Variants in TEX11 observed in about 807,000 individuals in gnomAD.
The protein encoded by TEX11 is testis-expressed protein 11.
TEX11 carries 7 observed loss-of-function variants against 84.4 expected under a neutral mutation model. The observed-to-expected ratio is 0.08, with a 90% CI of 0.05 to 0.16. The LOEUF is 0.16. Ranked by LOEUF, TEX11 falls within the 10% of genes least tolerant of loss-of-function variation. The pLI, the probability that TEX11 is intolerant of heterozygous loss-of-function variation, is 1.00. For synonymous variants in TEX11, 264 were observed against 222.8 expected (o/e 1.18, Z -1.64); for missense variants, 551 against 660.5 (o/e 0.83, Z 1.82).
At chrX:70,731,784 T>A (rs1355702241) in intron 11 of TEX11, among the ~76,000 whole-genome samples, 1 of 109,601 alleles carries the variant, frequency 9.1e-6, no homozygotes, top group East Asian at 2.9e-4. Context: ...AAAGAGAGAA[T>A]CCTCCCTAAC....
chrX:70,908,160 G>A (rs73550390), intron 1 of TEX11, among the ~76,000 whole-genome samples: 1,297 of 111,403 alleles, frequency 0.012, 23 homozygotes, highest in African/African-American at 0.04. Flanking sequence ...CCTTTTTCCC[G>A]CTCTGTGAGA....
rs138938195 is a variant in TEX11, at chrX:70,581,861, A to G, written c.2140+9890T>C. 4.8e-3 allele frequency among the ~76,000 whole-genome samples: 542 copies of G among 111,842 alleles called. 5 individuals are homozygous for G. Among genetic ancestry groups the G allele is most frequent in the African/African-American group, 0.017 (510 of 30,828 alleles). The stretch of plus-strand genomic sequence containing the variant: ...AGTGGTTGAGATTATATTATGAGCA[A>G]TAGTGACAAATGGGTATATGCTTCT... On this transcript the variant is annotated intron_variant, in intron 25 of 29. Coordinates refer to ENST00000374333, the MANE Select transcript of TEX11 (RefSeq NM_031276.3).
At chrX:70,878,428 C>T (rs2091666967) in intron 3 of TEX11, among the ~76,000 whole-genome samples, 1 of 110,232 alleles carries the variant, frequency 9.1e-6, no homozygotes, top group South Asian at 3.9e-4. Flanking sequence ...GCCTCGGCGT[C>T]CCAAAGTGCT....
chrX:70,715,400 C>T (rs943207553), intron 13 of TEX11, among the ~76,000 whole-genome samples: 7 of 111,856 alleles, frequency 6.3e-5, no homozygotes, highest in African/African-American at 2.3e-4. Flanking sequence ...CAACTTGGTT[C>T]CATTCTCCCC....
chrX:70,598,195 A>C (rs1419054220), intron 24 of TEX11, among the ~76,000 whole-genome samples: 1 of 112,282 alleles, frequency 8.9e-6, no homozygotes, highest in Non-Finnish European at 1.9e-5. Context: ...TAAATAGATA[A>C]ATGCAAAAAG....
At chrX:70,845,499 C>T (rs1227397629) in intron 7 of TEX11, among the ~76,000 whole-genome samples, 1 of 111,050 alleles carries the variant, frequency 9.0e-6, no homozygotes, top group Non-Finnish European at 1.9e-5. Flanking sequence ...TGCTAAATAG[C>T]CAAGTTTATG....
intron 9 of TEX11, among the ~76,000 whole-genome samples, chrX:70,744,994 C>T (rs781719564): frequency 4.6e-5 from 5 of 108,725 alleles, no homozygotes; most frequent in South Asian, 8.1e-4. Context: ...GTGTTGGGCC[C>T]GACCCCGAAT....
chrX:70,551,591 T>C (rs970135151), intron 28 of TEX11, among the ~76,000 whole-genome samples: 1 of 111,809 alleles, frequency 8.9e-6, no homozygotes, highest in Non-Finnish European at 1.9e-5. Flanking sequence ...GTAGTGATAG[T>C]TGCACAACTC....
chrX:70,764,008 T>C (rs918268525), intron 9 of TEX11, among the ~76,000 whole-genome samples: 3 of 112,121 alleles, frequency 2.7e-5, no homozygotes, highest in African/African-American at 3.2e-5. Context: ...TTACAGAACA[T>C]TTCATCCAAC....
At position 70,840,884 on chromosome X, in the gene TEX11, G is replaced by C. The variant is rs753018397; in HGVS notation, c.526-7291C>G. On this transcript the variant is annotated intron_variant, in intron 7 of 29. Transcript: ENST00000374333. ...AACAAAGATCAAAAGAGACAAAGAA[G>C]GCCATTACATAATGGTAAAGGGATC... Among the ~76,000 whole-genome samples, 377 of 110,995 alleles carry C rather than the reference G, an allele frequency of 3.4e-3. 2 individuals carry two copies. Among genetic ancestry groups the C allele is most frequent in the Non-Finnish European group, 6.2e-3 (328 of 52,831 alleles).
Position 70,884,574 on chromosome X carries a change from T to C in TEX11, c.38-4465A>G, listed in dbSNP as rs1243566190. Among the ~76,000 whole-genome samples, 10 of 111,640 alleles carry C rather than the reference T, an allele frequency of 9.0e-5. No individual in the cohort carries two copies. The East Asian group carries it at 2.8e-3, about 31-fold the overall frequency. ...AAACAGGTTTAGTCATAGACTAAAA[T>C]TACATTGTAAATCGTAATTTCTATC... On this transcript the variant is annotated intron_variant, in intron 2 of 29. Coordinates refer to ENST00000374333, the MANE Select transcript of TEX11 (RefSeq NM_031276.3).
chrX:70,819,694 CA>C lies in TEX11; in HGVS notation c.607-12905del, dbSNP rs374495106. ...ATTTCGAGAATCCTAAAAACTCAAC[CA>C]AAAAAAAGTTAGAACTAATAAACAA... On this transcript the variant is annotated intron_variant, in intron 8 of 29. Coordinates refer to ENST00000374333, the MANE Select transcript of TEX11 (RefSeq NM_031276.3). Among the ~76,000 whole-genome samples the C allele has an allele frequency of 2.2e-3, 247 of 110,340 alleles. 1 individual carries two copies. The highest frequency in any genetic ancestry group is 7.9e-3 in the African/African-American group (240 of 30,458).
chrX:70,518,057 C>G, the TEX11 span, among the ~76,000 whole-genome samples: 2 of 108,680 alleles, frequency 1.8e-5, no homozygotes, highest in African/African-American at 6.7e-5. Context: ...TTTTGTTGAT[C>G]TTTAAAAAAA....
intron 9 of TEX11, among the ~76,000 whole-genome samples, chrX:70,806,437 CAG>C (rs752764504): frequency 1.1e-5 from 1 of 93,282 alleles, no homozygotes; most frequent in African/African-American, 4.1e-5. Context: ...GCCTAGGTGA[CAG>C]AGAGAGATAC....
At chrX:70,543,475 C>T (rs2088075005) in intron 28 of TEX11, among the ~76,000 whole-genome samples, 1 of 111,970 alleles carries the variant, frequency 8.9e-6, no homozygotes, top group Non-Finnish European at 1.9e-5. Flanking sequence ...AGTTATAGTA[C>T]AATCTAATTT....
downstream of TEX11, among the ~76,000 whole-genome samples, chrX:70,525,643 G>A (rs982750038): frequency 7.2e-5 from 8 of 110,769 alleles, no homozygotes; most frequent in African/African-American, 2.6e-4. Flanking sequence ...ATACAATGGT[G>A]AGGAAAACAC....
chrX:70,589,888 T>C (rs762460368), intron 25 of TEX11, among the ~76,000 whole-genome samples: 3 of 112,335 alleles, frequency 2.7e-5, no homozygotes, highest in Non-Finnish European at 5.6e-5. Context: ...AATTCTACTA[T>C]GAGTTATTTT....
intron 18 of TEX11, among the ~76,000 whole-genome samples, chrX:70,626,357 T>G (rs1441162936): frequency 9.1e-6 from 1 of 109,798 alleles, no homozygotes; most frequent in Non-Finnish European, 1.9e-5. Flanking sequence ...CCTAGGTGTC[T>G]CCCTCCCTCC....
chrX:70,718,838 G>A (rs1356881504), intron 13 of TEX11, among the ~76,000 whole-genome samples: 8 of 111,578 alleles, frequency 7.2e-5, no homozygotes, highest in African/African-American at 9.8e-5. Flanking sequence ...CTTAGCTGAG[G>A]ACAATTTGGA....
Sources: gnomAD v4.1 joint callset for allele counts (sites outside exome capture counted in the v4.1 genomes callset) on GRCh38, gnomAD v4.1.1 for gene constraint, MANE v1.5 for transcripts, NCBI Gene and HGNC (gene_info 2026-07-23, HGNC 2026-07-21) for gene names.